The following SYN3 variants were observed in gnomAD, a reference collection of about 807,000 sequenced individuals.
SYN3 encodes synapsin-3.
Under a neutral mutation model 65.8 loss-of-function variants are expected in SYN3, and 35 were observed. The observed-to-expected ratio is 0.53, with a 90% confidence interval of 0.41 to 0.70. The LOEUF (loss-of-function observed/expected upper bound fraction) is 0.70, where lower values mean the gene tolerates loss of function less well. Among genes scored for constraint, SYN3 ranks in the 30% least tolerant of loss-of-function variants. SYN3 has a pLI of 0.00. For missense variants in SYN3, 680 were observed against 749.0 expected, an observed-to-expected ratio of 0.91 and a Z score of 1.08; for synonymous variants, 270 against 292.9, an observed-to-expected ratio of 0.92 and a Z score of 0.80.
At chr22:32,644,876 G>A (rs1371554269) in intron 6 of SYN3, among the ~76,000 whole-genome samples, 9 of 152,122 alleles carry the variant, frequency 5.9e-5, no homozygotes, top group Non-Finnish European at 1.3e-4. Context: ...AGGGATGGGG[G>A]AGAACCTGGT....
At chr22:32,614,971 C>A (rs1246112059) in intron 6 of SYN3, among the ~76,000 whole-genome samples, 12 of 147,078 alleles carry the variant, frequency 8.2e-5, no homozygotes, top group South Asian at 4.3e-4. Flanking sequence ...ACAAATGTTC[C>A]AAAAAAAAAA....
chr22:32,638,149 G>T (rs1173014865), intron 6 of SYN3, among the ~76,000 whole-genome samples: 3 of 152,038 alleles, frequency 2.0e-5, no homozygotes, highest in Non-Finnish European at 4.4e-5. Flanking sequence ...ACATGATTTT[G>T]TTCTTTTTAA....
chr22:32,880,385 G>A (rs2049097080), intron 4 of SYN3, among the ~76,000 whole-genome samples: 1 of 152,208 alleles, frequency 6.6e-6, no homozygotes. Flanking sequence ...AAGAAGCCAA[G>A]GAGGGATATT....
intron 8 of SYN3, among the ~76,000 whole-genome samples, chr22:32,540,839 A>G (rs1274414346): frequency 6.6e-6 from 1 of 152,184 alleles, no homozygotes; most frequent in African/African-American, 2.4e-5. Flanking sequence ...TTTTCCACGG[A>G]ATCACAATCT....
intron 6 of SYN3, among the ~76,000 whole-genome samples, chr22:32,630,181 A>C (rs950267127): frequency 6.6e-6 from 1 of 151,932 alleles, no homozygotes; most frequent in Non-Finnish European, 1.5e-5. Context: ...ACGGGGTTTC[A>C]CCATGTTGGC....
intron 6 of SYN3, among the ~76,000 whole-genome samples, chr22:32,691,068 G>A (rs2060655395): frequency 6.6e-6 from 1 of 152,248 alleles, no homozygotes; most frequent in Non-Finnish European, 1.5e-5. Flanking sequence ...TTAAAGCTTG[G>A]TTTCTCAGTC....
rs111335201 is a variant in SYN3 at position 32,926,777 on chromosome 22, C to T, written c.461+4613G>A. 8.4e-3 allele frequency among the ~76,000 whole-genome samples: 1,283 copies of T among 152,300 alleles called. 14 individuals carry two copies. The highest frequency in any genetic ancestry group is 0.013 in the Non-Finnish European group (854 of 68,030). On this transcript the variant is annotated intron_variant, in intron 4 of 13. Coordinates refer to ENST00000358763, the MANE Select transcript of SYN3 (RefSeq NM_003490.4). ...ATTATTGGTATACATACACTGGTGACACAAATATTTAACAACTCCCAGAGT... is the reference window on the plus strand; with the variant it reads ...ATTATTGGTATACATACACTGGTGATACAAATATTTAACAACTCCCAGAGT...
intron 6 of SYN3, among the ~76,000 whole-genome samples, chr22:32,814,305 G>A (rs55681674): frequency 4.4e-4 from 2 of 4,550 alleles, no homozygotes; most frequent in South Asian, 6.3e-3. Flanking sequence ...AGGAAGGAGA[G>A]AGAGAGAGAG....
intron 1 of SYN3, among the ~76,000 whole-genome samples, chr22:33,035,726 G>A (rs1020539974): frequency 6.6e-6 from 1 of 152,030 alleles, no homozygotes; most frequent in Non-Finnish European, 1.5e-5. Context: ...CTATAGGCAC[G>A]TACCACAAGG....
At chr22:32,829,176 A>G (rs1039192071) in intron 6 of SYN3, among the ~76,000 whole-genome samples, 4 of 152,098 alleles carry the variant, frequency 2.6e-5, no homozygotes, top group African/African-American at 9.7e-5. Context: ...CCCCCATCCC[A>G]TTGCCGGCTT....
chr22:32,802,373 G>A (rs1329094983), intron 6 of SYN3, among the ~76,000 whole-genome samples: 1 of 152,132 alleles, frequency 6.6e-6, no homozygotes, highest in African/African-American at 2.4e-5. Flanking sequence ...AACTTAGGTC[G>A]TGAGGTTCCT....
Position 32,801,867 on chromosome 22 carries a change from A to T in SYN3, c.711+63048T>A. On this transcript the variant is annotated intron_variant, in intron 6 of 13. Transcript: ENST00000358763. This position sits in a 1 kb window ranked among gnomAD's most constrained non-coding sequence, Gnocchi z 4.7. ...CCGTCCCGCCGGGCACTCGGAGGGC[A>T]GCGCGCCGGAGGCCAAGGTTGCCCC... 8.7e-7 allele frequency: 1 copy of T among 1,146,882 alleles called. No individual in the cohort carries two copies. The highest frequency in any genetic ancestry group is 1.1e-6 in the Non-Finnish European group (1 of 908,380). The allele number at this position is 1,146,882 out of a possible 1,614,324, so 71.0% of individuals were successfully genotyped here.
intron 6 of SYN3, among the ~76,000 whole-genome samples, chr22:32,704,178 G>A (rs993787886): frequency 1.3e-5 from 2 of 152,104 alleles, no homozygotes; most frequent in African/African-American, 4.8e-5. Flanking sequence ...ACTAAGCCTA[G>A]TACCTTATGT....
chr22:33,037,292 G>T (rs1331657434), intron 1 of SYN3, among the ~76,000 whole-genome samples: 1 of 151,864 alleles, frequency 6.6e-6, no homozygotes. Flanking sequence ...CAGATTTTTT[G>T]GGCCCAGATG....
intron 4 of SYN3, among the ~76,000 whole-genome samples, chr22:32,895,741 G>A (rs2049574490): frequency 6.6e-6 from 1 of 152,148 alleles, no homozygotes; most frequent in Non-Finnish European, 1.5e-5. Flanking sequence ...GGCCTTAAAT[G>A]AAACCGACAA....
intron 1 of SYN3, among the ~76,000 whole-genome samples, chr22:33,054,227 G>A (rs960993398): frequency 1.3e-5 from 2 of 152,064 alleles, no homozygotes; most frequent in African/African-American, 4.8e-5. Flanking sequence ...CTCCAGCCCA[G>A]ACTCCCCTCC....
intron 7 of SYN3, among the ~76,000 whole-genome samples, chr22:32,556,822 TTTTTTTTTTTTTTG>T (rs2058508374): frequency 7.6e-6 from 1 of 131,990 alleles, no homozygotes; most frequent in Non-Finnish European, 1.6e-5. Context: ...TTTTTTTTTT[TTTTTTTTTTTTTTG>T]TGTGTAGAGA....
chr22:32,611,643 C>A (rs1313049487), intron 6 of SYN3, among the ~76,000 whole-genome samples: 1 of 152,094 alleles, frequency 6.6e-6, no homozygotes, highest in African/African-American at 2.4e-5. Context: ...CTGCTTCTGG[C>A]TTATTCTTAC....
At position 33,058,334 on chromosome 22, in the gene SYN3, G is replaced by T. The variant is rs1036896825; in HGVS notation, c.-205C>A. 1 of 149,462 alleles carries T rather than the reference G, an allele frequency of 6.7e-6. No homozygotes were observed. The highest frequency in any genetic ancestry group is 2.0e-4 in the East Asian group (1 of 5,106). 9.3% of individuals were successfully genotyped at this position (149,462 alleles called of 1,614,324 possible). ...ACTCGGCGCCCGGTGGTGCCTCGGCGCGGCGCCCGCCAGTCGATCCGCTCC... is the reference window on the plus strand; with the variant it reads ...ACTCGGCGCCCGGTGGTGCCTCGGCTCGGCGCCCGCCAGTCGATCCGCTCC... On this transcript the variant is annotated 5_prime_UTR_variant, in exon 1 of 14. Coordinates refer to ENST00000358763, the MANE Select transcript of SYN3 (RefSeq NM_003490.4).
Sources: allele counts gnomAD v4.1 joint callset (sites outside exome capture counted in the v4.1 genomes callset), GRCh38; gene constraint gnomAD v4.1.1; non-coding constraint Gnocchi (gnomAD v3.1); transcripts MANE v1.5; gene names NCBI Gene and HGNC (gene_info 2026-07-23, HGNC 2026-07-21).